TEAD4: variants seen among roughly 807,000 people sequenced by gnomAD.
TEAD4 encodes the protein TEA domain transcription factor 4.
A neutral mutation model predicts 52.4 loss-of-function variants in TEAD4; 36 were observed. The observed-to-expected ratio is 0.69, with a 90% confidence interval of 0.53 to 0.91. The LOEUF is 0.91. Among genes scored for constraint, TEAD4 ranks in the 40% least tolerant of loss-of-function variants. The pLI, the probability that TEAD4 is intolerant of heterozygous loss-of-function variation, is 0.00. For missense variants in TEAD4, 508 were observed against 583.9 expected (o/e 0.87, Z 1.34); for synonymous variants, 220 against 231.0 (o/e 0.95, Z 0.43).
intron 2 of TEAD4, among the ~76,000 whole-genome samples, chr12:2,966,430 T>C (rs1732187264): frequency 6.6e-6 from 1 of 151,524 alleles, no homozygotes; most frequent in Admixed American, 6.6e-5. Flanking sequence ...TTTTTTTTTT[T>C]GAGATGGGTC....
intron 2 of TEAD4, among the ~76,000 whole-genome samples, chr12:2,975,856 T>G (rs888124325): frequency 5.3e-5 from 8 of 152,208 alleles, no homozygotes; most frequent in African/African-American, 1.7e-4. Flanking sequence ...TCCTTCCCAC[T>G]TCTGGCAACC....
intron 3 of TEAD4, among the ~76,000 whole-genome samples, chr12:2,995,771 C>T (rs1416697833): frequency 6.6e-6 from 1 of 152,084 alleles, no homozygotes; most frequent in Admixed American, 6.5e-5. Context: ...CTTTGGGAGG[C>T]CAAGGTGGGA....
At chr12:2,980,687 C>T (rs1298774390) in intron 2 of TEAD4, among the ~76,000 whole-genome samples, 1 of 151,680 alleles carries the variant, frequency 6.6e-6, no homozygotes, top group African/African-American at 2.4e-5. Context: ...GAGTCCATAT[C>T]GCTCCACTGT....
chr12:2,959,621 G>A lies in TEAD4; in HGVS notation c.-123+140G>A, dbSNP rs2098213540. ...CCGCGTTCCCGCCTTGGACCTCTGCGCTCCGACGCGCTCCGTCCCGACCTC... is the reference window on the plus strand; with the variant it reads ...CCGCGTTCCCGCCTTGGACCTCTGCACTCCGACGCGCTCCGTCCCGACCTC... On this transcript the variant is annotated intron_variant, in intron 1 of 12. Coordinates refer to ENST00000359864, the MANE Select transcript of TEAD4 (RefSeq NM_003213.4). The surrounding 1 kb of genome is among the most constrained non-coding windows in gnomAD (Gnocchi z 5.1). The A allele has an allele frequency of 6.6e-6, 1 of 150,848 alleles. No individual in the cohort carries two copies. The highest frequency in any genetic ancestry group is 2.4e-5 in the African/African-American group (1 of 41,196). 9.3% of individuals were successfully genotyped at this position (150,848 alleles called of 1,614,324 possible).
At position 3,019,097 on chromosome 12, in the gene TEAD4, C is replaced by G. The variant is rs771163273; in HGVS notation, c.528-18C>G. 1.2e-6 allele frequency: 2 copies of G among 1,613,970 alleles called. No individual in the cohort carries two copies. Among genetic ancestry groups the G allele is most frequent in the South Asian group, 2.2e-5 (2 of 91,078 alleles). On this transcript the variant is annotated intron_variant, in intron 7 of 12. Coordinates refer to ENST00000359864, the MANE Select transcript of TEAD4 (RefSeq NM_003213.4). Reference sequence around the variant, plus strand: ...GGCCTGCCCGAGGCTGACACCTCCCCTCCTCTCTCTCCCGCAGTGTGAAGC... The same window carrying G: ...GGCCTGCCCGAGGCTGACACCTCCCGTCCTCTCTCTCCCGCAGTGTGAAGC...
Position 2,965,096 on chromosome 12 carries a change from G to C in TEAD4, c.-30+5056G>C, listed in dbSNP as rs145837468. Among the ~76,000 whole-genome samples, 3 of 152,242 alleles carry C rather than the reference G, an allele frequency of 2.0e-5. No homozygotes were observed. The East Asian group carries it at 5.8e-4, about 29-fold the overall frequency. On this transcript the variant is annotated intron_variant, in intron 2 of 12. Coordinates refer to ENST00000359864, the MANE Select transcript of TEAD4 (RefSeq NM_003213.4). ...TTTGTTTCTTCAAGGAAGCAAGATG[G>C]GGACCCTGGAAATGGCAGACTCCTA...
chr12:3,021,733 A>G, intron 9 of TEAD4, 111 bp from the exon 10 acceptor site: 2 of 1,152,964 alleles, frequency 1.7e-6, no homozygotes, highest in Non-Finnish European at 2.5e-6. Flanking sequence ...ACTATGGCCC[A>G]GAAAGGCCAA....
intron 5 of TEAD4, among the ~76,000 whole-genome samples, chr12:3,012,495 C>T (rs1165938285): frequency 1.3e-5 from 2 of 152,160 alleles, no homozygotes; most frequent in African/African-American, 4.8e-5. Flanking sequence ...TAGAGGGGCT[C>T]ACACGGCTCA....
chr12:3,005,642 G>A (rs994429678), intron 3 of TEAD4, among the ~76,000 whole-genome samples: 40 of 151,698 alleles, frequency 2.6e-4, no homozygotes, highest in African/African-American at 9.7e-4. Flanking sequence ...GACTACAGGC[G>A]CCCGCCACCA....
chr12:3,002,074 A>G (rs1173273066), intron 3 of TEAD4, among the ~76,000 whole-genome samples: 1 of 152,218 alleles, frequency 6.6e-6, no homozygotes, highest in Non-Finnish European at 1.5e-5. Flanking sequence ...CCTGGATGAC[A>G]GAGTGAGACT....
chr12:3,040,354 C>G lies in TEAD4; in HGVS notation c.1192-11C>G, dbSNP rs774030153. ...GGGCCTTATTAACCCTTGTCTTTTTCTCTCCCACAGGTGGTCACCAACAGA... is the reference window on the plus strand; with the variant it reads ...GGGCCTTATTAACCCTTGTCTTTTTGTCTCCCACAGGTGGTCACCAACAGA... On this transcript the variant is annotated splice_polypyrimidine_tract_variant and intron_variant, in intron 12 of 12. Transcript: ENST00000359864. 6.2e-6 allele frequency: 10 copies of G among 1,614,162 alleles called. No homozygotes were observed. The South Asian group carries it at 1.1e-4, about 18-fold the overall frequency.
chr12:2,999,644 G>A (rs1051391129), intron 3 of TEAD4, among the ~76,000 whole-genome samples: 17 of 152,174 alleles, frequency 1.1e-4, no homozygotes, highest in Non-Finnish European at 1.9e-4. Flanking sequence ...TCCTGCTCAC[G>A]GCCGCTTTCA....
intron 10 of TEAD4, among the ~76,000 whole-genome samples, chr12:3,028,080 G>C (rs2098273131): frequency 6.6e-6 from 1 of 152,194 alleles, no homozygotes; most frequent in African/African-American, 2.4e-5. Context: ...AAAAGGGTTT[G>C]TGGAGGATGT....
intron 2 of TEAD4, among the ~76,000 whole-genome samples, chr12:2,982,690 G>A (rs1402424813): frequency 2.0e-5 from 3 of 152,216 alleles, no homozygotes; most frequent in African/African-American, 7.2e-5. Flanking sequence ...CCAGGGACAC[G>A]TGGGGCTGGG....
In TEAD4 at chr12:3,006,870, A is replaced by G. The variant is rs1371209220; in HGVS notation, c.227-4134A>G. Among the ~76,000 whole-genome samples the G allele has an allele frequency of 3.3e-5, 5 of 150,970 alleles. No individual in the cohort carries two copies. The East Asian group carries it at 9.9e-4, about 30-fold the overall frequency. On this transcript the variant is annotated intron_variant, in intron 3 of 12. Transcript: ENST00000359864. ...GTAAAACCTGTCTCTACTAAAAATA[A>G]CAAAAATTAGCCAGGTGTGGTGGTG...
chr12:3,040,500 G>A lies in TEAD4; in HGVS notation c.*22G>A. 6.2e-7 allele frequency: 1 copy of A among 1,609,216 alleles called. No individual in the cohort carries two copies. The highest frequency in any genetic ancestry group is 1.3e-5 in the African/African-American group (1 of 74,898). Reference sequence around the variant, plus strand: ...ATGAGAGACTCGGGGAGCAGGGAGGGGGGAAGAGACGTGTGTGCAGGAAAC... The same window carrying A: ...ATGAGAGACTCGGGGAGCAGGGAGGAGGGAAGAGACGTGTGTGCAGGAAAC... On this transcript the variant is annotated 3_prime_UTR_variant, in exon 13 of 13. Transcript: ENST00000359864.
In TEAD4 at chr12:2,991,633, G is replaced by A. The variant is rs1393480196; in HGVS notation, c.-29-3105G>A. On this transcript the variant is annotated intron_variant, in intron 2 of 12. Transcript: ENST00000359864. ...GCCGAGATTGTACCATTGCCCACCA[G>A]CCTGAGTGAAAGAGCAAGACTCCGT... is the stretch of plus-strand genomic sequence containing the variant. Among the ~76,000 whole-genome samples the A allele has an allele frequency of 2.6e-5, 4 of 152,260 alleles. No homozygotes were observed. In the East Asian group the frequency reaches 5.8e-4, roughly 22 times the overall value.
At chr12:3,007,586 T>C (rs896591014) in intron 3 of TEAD4, among the ~76,000 whole-genome samples, 1 of 152,228 alleles carries the variant, frequency 6.6e-6, no homozygotes, top group Non-Finnish European at 1.5e-5. Context: ...TTTTGCTTCA[T>C]TGAAGTATAA....
At chr12:2,997,313 C>T (rs1373353624) in intron 3 of TEAD4, among the ~76,000 whole-genome samples, 1 of 152,230 alleles carries the variant, frequency 6.6e-6, no homozygotes, top group Non-Finnish European at 1.5e-5. Flanking sequence ...GTCCCTTCCA[C>T]CTCTACTTGT....
Sources: allele counts gnomAD v4.1 joint callset (sites outside exome capture counted in the v4.1 genomes callset), GRCh38; gene constraint gnomAD v4.1.1; non-coding constraint Gnocchi (gnomAD v3.1); transcripts MANE v1.5; gene names NCBI Gene and HGNC (gene_info 2026-07-23, HGNC 2026-07-21).